ASH1L: variants seen among roughly 807,000 people sequenced by gnomAD.
ASH1L encodes the protein histone-lysine N-methyltransferase ASH1L.
A neutral mutation model predicts 269.0 loss-of-function variants in ASH1L; 23 were observed. The ratio of observed to expected loss-of-function variants is 0.09; its 90% confidence interval spans 0.06 to 0.12. The LOEUF (loss-of-function observed/expected upper bound fraction) is 0.12, where lower values mean the gene tolerates loss of function less well. ASH1L is among the 10% of genes least tolerant of loss of function. The pLI is 1.00. For missense variants in ASH1L, 2,912 were observed against 3,567.8 expected, an observed-to-expected ratio of 0.82 and a Z score of 4.68; for synonymous variants, 1,187 against 1,253.5, an observed-to-expected ratio of 0.95 and a Z score of 1.12.
At chr1:155,346,504 G>C in intron 20 of ASH1L, 35 bp from the exon 21 acceptor site, 1 of 1,579,478 alleles carries the variant, frequency 6.3e-7, no homozygotes, top group Non-Finnish European at 8.7e-7. Flanking sequence ...GAACATGGAG[G>C]CTATGACTTA....
chr1:155,339,310 TC>T lies in ASH1L; in HGVS notation c.8501+17del, dbSNP rs754309681. On this transcript the variant is annotated intron_variant, in intron 26 of 27. Coordinates refer to ENST00000392403, the MANE Select transcript of ASH1L (RefSeq NM_018489.3). Reference sequence around the variant, plus strand: ...TAGTCAATCCCTTAGGATCCTCATATCCCCCCATGGGACTTACCGTCCTCCA... The same window carrying T: ...TAGTCAATCCCTTAGGATCCTCATATCCCCCATGGGACTTACCGTCCTCCA... The T allele has an allele frequency of 1.2e-5, 19 of 1,611,366 alleles. No homozygotes were observed. The highest frequency in any genetic ancestry group is 1.5e-5 in the Non-Finnish European group (18 of 1,177,782).
intron 2 of ASH1L, among the ~76,000 whole-genome samples, chr1:155,490,478 G>C (rs1292815965): frequency 2.0e-5 from 3 of 151,636 alleles, no homozygotes; most frequent in Admixed American, 2.0e-4. Flanking sequence ...AATCCAGCTG[G>C]AAGTGGCAGC....
At chr1:155,393,384 C>T (rs1238864746) in intron 7 of ASH1L, among the ~76,000 whole-genome samples, 3 of 152,058 alleles carry the variant, frequency 2.0e-5, no homozygotes, top group Admixed American at 6.6e-5. Context: ...TTAAGAGAAT[C>T]ATAGTTGAAG....
intron 3 of ASH1L, among the ~76,000 whole-genome samples, chr1:155,469,699 C>T (rs1260146070): frequency 6.6e-6 from 1 of 152,206 alleles, no homozygotes; most frequent in Non-Finnish European, 1.5e-5. Context: ...TATCTCATTT[C>T]ACTTAATCAC....
intron 2 of ASH1L, among the ~76,000 whole-genome samples, chr1:155,500,249 T>C (rs1433527093): frequency 6.6e-6 from 1 of 152,160 alleles, no homozygotes; most frequent in Non-Finnish European, 1.5e-5. Flanking sequence ...TTTGTGTATG[T>C]AAAGGGGGAA....
intron 6 of ASH1L, among the ~76,000 whole-genome samples, chr1:155,401,271 G>A (rs773189235): frequency 1.3e-5 from 2 of 151,932 alleles, no homozygotes; most frequent in Admixed American, 6.6e-5. Flanking sequence ...GAGGTCAGGA[G>A]TTCAAAACCA....
intron 1 of ASH1L, among the ~76,000 whole-genome samples, chr1:155,543,009 T>A (rs942637250): frequency 1.3e-5 from 2 of 151,520 alleles, no homozygotes; most frequent in Non-Finnish European, 2.9e-5. Flanking sequence ...TACTTTTTTT[T>A]TAAATATTTT....
At chr1:155,487,482 C>A (rs1255905706) in intron 2 of ASH1L, among the ~76,000 whole-genome samples, 1 of 152,092 alleles carries the variant, frequency 6.6e-6, no homozygotes, top group Non-Finnish European at 1.5e-5. Flanking sequence ...ATCCTCCCAC[C>A]TCAGCCTCCC....
At chr1:155,354,112 G>C (rs372473700) in intron 16 of ASH1L, among the ~76,000 whole-genome samples, 2 of 152,218 alleles carry the variant, frequency 1.3e-5, no homozygotes, top group Admixed American at 6.5e-5. Flanking sequence ...TAGATTATCT[G>C]CTGGAAAGCA....
chr1:155,439,248 G>A (rs2148621207), intron 4 of ASH1L, among the ~76,000 whole-genome samples, 180 bp from the exon 5 acceptor site: 1 of 152,158 alleles, frequency 6.6e-6, no homozygotes, highest in South Asian at 2.1e-4. Context: ...ACCAAAGTTG[G>A]CCTATATTTC....
intron 1 of ASH1L, among the ~76,000 whole-genome samples, chr1:155,542,080 G>T (rs1670459247): frequency 6.6e-6 from 1 of 152,096 alleles, no homozygotes; most frequent in Non-Finnish European, 1.5e-5. Flanking sequence ...AGTTAACGTA[G>T]ATCAAAAATA....
chr1:155,440,115 G>A (rs1662435310), intron 4 of ASH1L, among the ~76,000 whole-genome samples: 1 of 151,976 alleles, frequency 6.6e-6, no homozygotes, highest in Non-Finnish European at 1.5e-5. Context: ...TTCGAGACTA[G>A]CCTGGGCAAC....
At chr1:155,561,940 G>A (rs546480396) in intron 1 of ASH1L, 13,302 of 480,872 alleles carry the variant, frequency 0.028, 309 homozygotes, top group Non-Finnish European at 0.037. Context: ...AGCCCCCTCC[G>A]GGAGTCTGCC....
intron 2 of ASH1L, among the ~76,000 whole-genome samples, chr1:155,508,002 CTTTT>C (rs762754026): frequency 7.3e-6 from 1 of 136,586 alleles, no homozygotes. Flanking sequence ...GTATACTTGA[CTTTT>C]TTTTTTTTTT....
At chr1:155,456,162 C>A (rs1437710350) in intron 4 of ASH1L, among the ~76,000 whole-genome samples, 2 of 152,136 alleles carry the variant, frequency 1.3e-5, no homozygotes, top group African/African-American at 2.4e-5. Context: ...TATTTAGTTA[C>A]TTCAAAGTTC....
chr1:155,360,885 A>G (rs1341789703), intron 12 of ASH1L, among the ~76,000 whole-genome samples: 1 of 151,934 alleles, frequency 6.6e-6, no homozygotes, highest in Non-Finnish European at 1.5e-5. Context: ...GTCCTAAAAT[A>G]TGGCTTGCCT....
chr1:155,380,716 C>T (rs1025560993), intron 7 of ASH1L, among the ~76,000 whole-genome samples: 6 of 151,644 alleles, frequency 4.0e-5, no homozygotes, highest in African/African-American at 9.7e-5. Context: ...CTGTAACCTC[C>T]GCCTCCTGGG....
At position 155,402,938 on chromosome 1, in the gene ASH1L, G is replaced by A. The variant is rs548964869; in HGVS notation, c.6009-7385C>T. On this transcript the variant is annotated intron_variant, in intron 6 of 27. Transcript: ENST00000392403. ...GTTGCCTGTAATCCCAGCACTTTGG[G>A]AAGCTGAGGTGGGTGGATCACCTAA... is the stretch of plus-strand genomic sequence containing the variant. Among the ~76,000 whole-genome samples the A allele has an allele frequency of 6.0e-5, 9 of 151,018 alleles. No homozygotes were observed. The South Asian group carries it at 6.3e-4, about 11-fold the overall frequency.
chr1:155,338,506 T>C, intron 26 of ASH1L, 116 bp from the exon 27 acceptor site: 2 of 849,650 alleles, frequency 2.4e-6, no homozygotes, highest in Non-Finnish European at 3.6e-6. Flanking sequence ...AGCCTTAGCT[T>C]GAGGTAAGAA....
Sources: allele counts gnomAD v4.1 joint callset (sites outside exome capture counted in the v4.1 genomes callset), GRCh38; gene constraint gnomAD v4.1.1; transcripts MANE v1.5; gene names NCBI Gene and HGNC (gene_info 2026-07-23, HGNC 2026-07-21).